PCDHA1: variants seen among roughly 807,000 people sequenced by gnomAD.
PCDHA1 encodes the protein protocadherin alpha-1.
In PCDHA1, 42 loss-of-function variants were observed where a neutral mutation model predicts 61.3. The observed-to-expected ratio is 0.69, with a 90% confidence interval of 0.54 to 0.89. The LOEUF is 0.89. Among genes scored for constraint, PCDHA1 ranks in the 40% least tolerant of loss-of-function variants. The pLI is 0.00. For synonymous variants in PCDHA1, 610 were observed against 553.8 expected (o/e 1.10, Z -1.43); for missense variants, 1,256 against 1,235.3 (o/e 1.02, Z -0.25).
At chr5:140,856,688 A>T in intron 1 of PCDHA1, 1 of 1,597,342 alleles carries the variant, frequency 6.3e-7, no homozygotes, top group Non-Finnish European at 8.6e-7. Context: ...GTTGACAGCA[A>T]CTGATGGAGG....
intron 1 of PCDHA1, chr5:140,883,799 C>T: frequency 1.2e-6 from 2 of 1,612,460 alleles, no homozygotes; most frequent in Non-Finnish European, 1.7e-6. Flanking sequence ...CGTGTCGGTG[C>T]ACGCGGAGAG....
intron 1 of PCDHA1, chr5:140,801,994 C>T (rs1554121822): frequency 1.9e-6 from 3 of 1,614,160 alleles, no homozygotes; most frequent in Non-Finnish European, 2.5e-6. Context: ...ACCGTTAACG[C>T]CACCGATTTG....
chr5:140,876,699 G>A, intron 1 of PCDHA1: 1 of 1,614,228 alleles, frequency 6.2e-7, no homozygotes, highest in Non-Finnish European at 8.5e-7. Context: ...CGTTGGTGCT[G>A]GACAGCGCCC....
At chr5:140,927,297 G>C in intron 1 of PCDHA1, 1 of 1,614,150 alleles carries the variant, frequency 6.2e-7, no homozygotes, top group Non-Finnish European at 8.5e-7. Context: ...ACATCCCCGA[G>C]TTCCTGACGC....
intron 1 of PCDHA1, chr5:140,883,108 AT>A (rs1261032162): frequency 6.2e-7 from 1 of 1,614,018 alleles, no homozygotes; most frequent in Non-Finnish European, 8.5e-7. Flanking sequence ...TAGTTTACTC[AT>A]TTAGAAGGCC....
In PCDHA1 at chr5:140,801,382, G is replaced by T. The variant is rs147415938; in HGVS notation, c.2394+12698G>T. 804 of 1,613,550 alleles carry T rather than the reference G, an allele frequency of 5.0e-4. 6 individuals are homozygous for T. In the African/African-American group the frequency reaches 9.8e-3, roughly 20 times the overall value. ...CTGGAGCTGGCGGAGCTGGTGCCGCGCCTGTTCCGGGTGGCGTCCAAAAGA... is the reference window on the plus strand; with the variant it reads ...CTGGAGCTGGCGGAGCTGGTGCCGCTCCTGTTCCGGGTGGCGTCCAAAAGA... On this transcript the variant is annotated intron_variant, in intron 1 of 3. Transcript: ENST00000504120.
At chr5:140,924,992 G>T (rs1383717650) in intron 1 of PCDHA1, among the ~76,000 whole-genome samples, 3 of 151,676 alleles carry the variant, frequency 2.0e-5, no homozygotes, top group African/African-American at 7.3e-5. Context: ...TGTAATCCTA[G>T]CACTTTAGGA....
intron 1 of PCDHA1, among the ~76,000 whole-genome samples, chr5:140,818,885 A>G (rs1461163389): frequency 6.6e-6 from 1 of 152,236 alleles, no homozygotes; most frequent in African/African-American, 2.4e-5. Context: ...CTGAGATTGC[A>G]TCTCTTGAAT....
chr5:140,818,874 C>T (rs1462838242), intron 1 of PCDHA1, among the ~76,000 whole-genome samples: 5 of 152,164 alleles, frequency 3.3e-5, no homozygotes, highest in African/African-American at 1.2e-4. Context: ...AAAAAAGATG[C>T]CTGAGATTGC....
chr5:140,843,082 G>C (rs1265027526), intron 1 of PCDHA1: 3 of 1,595,314 alleles, frequency 1.9e-6, no homozygotes, highest in African/African-American at 1.3e-5. Flanking sequence ...CTGTGGGCGC[G>C]GGCCACGTGG....
chr5:140,964,133 G>A (rs2095812042), intron 1 of PCDHA1, among the ~76,000 whole-genome samples: 1 of 152,182 alleles, frequency 6.6e-6, no homozygotes, highest in African/African-American at 2.4e-5. Context: ...AACTAGTAAG[G>A]TTGGCAGGAG....
At chr5:140,797,419 A>C (rs1292143870) in intron 1 of PCDHA1, 1 of 1,494,770 alleles carries the variant, frequency 6.7e-7, no homozygotes, top group African/African-American at 1.4e-5. Context: ...TATGATTTCT[A>C]CTAGTTATTT....
chr5:140,985,899 C>T (rs1303947192), intron 3 of PCDHA1, among the ~76,000 whole-genome samples: 2 of 152,020 alleles, frequency 1.3e-5, no homozygotes, highest in African/African-American at 4.8e-5. Flanking sequence ...GCCACCACTC[C>T]CGTCTAATTT....
intron 1 of PCDHA1, chr5:140,877,636 C>T (rs1554169939): frequency 1.2e-6 from 2 of 1,613,640 alleles, no homozygotes; most frequent in Admixed American, 1.7e-5. Context: ...CACTGCGCTG[C>T]GTTGCTCAGC....
At position 141,009,699 on chromosome 5, in the gene PCDHA1, G is replaced by A. The variant is rs1554262287; in HGVS notation, c.2615G>A (p.Gly872Glu). Residue 872 changes from glycine to glutamate, a missense_variant, in exon 4 of 4, where the codon GGA becomes GAA. Gly to Glu is a moderately conservative substitution (Grantham distance 98, BLOSUM62 -2). Transcript: ENST00000504120. ...AGCAACAGCTGGACCTTTAAATACG[G>A]ACCAGGCAACCCCAAACAATCCGGT... Reference protein sequence around the residue: ...VNSNSWTFKYGPGNPKQSGPG... With the variant: ...VNSNSWTFKYEPGNPKQSGPG... 1 of 1,614,030 alleles carries A rather than the reference G, an allele frequency of 6.2e-7. No individual in the cohort carries two copies. The highest frequency in any genetic ancestry group is 8.5e-7 in the Non-Finnish European group (1 of 1,180,010).
chr5:140,856,236 TC>T (rs1554148438), intron 1 of PCDHA1: 2 of 1,597,912 alleles, frequency 1.3e-6, no homozygotes, highest in East Asian at 2.2e-5. Context: ...CAGCGCCTGT[TC>T]CGGGTGGCGT....
intron 1 of PCDHA1, chr5:140,836,345 C>CG (rs1388004217): frequency 8.1e-6 from 13 of 1,613,572 alleles, no homozygotes; most frequent in Non-Finnish European, 9.3e-6. Flanking sequence ...TGAAGGACCA[C>CG]GGGGAGCCCT....
intron 1 of PCDHA1, among the ~76,000 whole-genome samples, chr5:140,960,813 A>C (rs1356756058): frequency 6.6e-6 from 1 of 152,202 alleles, no homozygotes; most frequent in Non-Finnish European, 1.5e-5. Context: ...AGAGGTCCCA[A>C]GTGATGAATG....
intron 1 of PCDHA1, chr5:140,795,681 A>G (rs1554119533): frequency 3.1e-6 from 5 of 1,613,986 alleles, no homozygotes; most frequent in Non-Finnish European, 3.4e-6. Flanking sequence ...ATGACAATGA[A>G]CCAACTTTTG....
Sources: gnomAD v4.1 joint callset for allele counts (sites outside exome capture counted in the v4.1 genomes callset) on GRCh38, gnomAD v4.1.1 for gene constraint, MANE v1.5 for transcripts, NCBI Gene and HGNC (gene_info 2026-07-23, HGNC 2026-07-21) for gene names.